NFATC1: variants seen among roughly 807,000 people sequenced by gnomAD.
NFATC1 encodes nuclear factor of activated T cells 1, also known as nuclear factor of activated T-cells, cytoplasmic 1.
Under a neutral mutation model 76.0 loss-of-function variants are expected in NFATC1, and 22 were observed. The observed-to-expected ratio is 0.29, with a 90% CI of 0.21 to 0.41. The LOEUF is 0.41. Among genes scored for constraint, NFATC1 ranks in the 10% least tolerant of loss-of-function variants. The pLI is 1.00. For synonymous variants in NFATC1, 704 were observed against 613.1 expected (o/e 1.15, Z -2.19); for missense variants, 1,357 against 1,337.7 (o/e 1.01, Z -0.23).
intron 8 of NFATC1, among the ~76,000 whole-genome samples, chr18:79,485,453 C>T (rs2145056976): frequency 6.6e-6 from 1 of 152,372 alleles, no homozygotes; most frequent in South Asian, 2.1e-4. Context: ...ACTGCACACC[C>T]TGCCTGTTTG....
intron 7 of NFATC1, among the ~76,000 whole-genome samples, chr18:79,464,642 A>ATGTATTTC (rs2088339882): frequency 8.0e-6 from 1 of 124,780 alleles, no homozygotes; most frequent in Non-Finnish European, 1.6e-5. Flanking sequence ...TTGTGGATAT[A>ATGTATTTC]TGTGTTTGTG....
At chr18:79,461,469 G>A (rs551738858) in intron 7 of NFATC1, 103 bp downstream of exon 7, 6 of 1,078,882 alleles carry the variant, frequency 5.6e-6, no homozygotes, top group African/African-American at 5.0e-5. Flanking sequence ...GGAGGCTGGG[G>A]TTCCTGTTTC....
At chr18:79,407,746 C>T (rs966242119) in intron 1 of NFATC1, among the ~76,000 whole-genome samples, 16 of 152,240 alleles carry the variant, frequency 1.1e-4, no homozygotes, top group African/African-American at 3.6e-4. Context: ...CGCCTGGCCA[C>T]CTCCTTGATT....
rs2090722066 is a variant in NFATC1 at position 79,525,028 on chromosome 18, G to GTCCCACCGTCGTTACCCCTCAGT, written c.2783-2500_2783-2499insTCCCACCGTCGTTACCCCTCAGT. On this transcript the variant is annotated intron_variant, in intron 9 of 9. Transcript: ENST00000427363. ...ACATCCCATCATTACTACCCCTCAG[G>GTCCCACCGTCGTTACCCCTCAGT]CCTCCCCACGTCCCACCGTCGTTAC... Among the ~76,000 whole-genome samples, 3 of 87,630 alleles carry GTCCCACCGTCGTTACCCCTCAGT rather than the reference G, an allele frequency of 3.4e-5. 1 individual carries two copies. The highest frequency in any genetic ancestry group is 1.4e-4 in the African/African-American group (3 of 21,834). 57.5% of individuals were successfully genotyped at this position (87,630 alleles called of 152,430 possible).
intron 9 of NFATC1, among the ~76,000 whole-genome samples, chr18:79,512,556 C>T (rs1158944746): frequency 6.6e-6 from 1 of 152,226 alleles, no homozygotes; most frequent in African/African-American, 2.4e-5. Context: ...TGTGGACTCA[C>T]ACATGTGGCA....
At chr18:79,477,141 C>T (rs776387739) in intron 8 of NFATC1, among the ~76,000 whole-genome samples, 34 of 152,188 alleles carry the variant, frequency 2.2e-4, no homozygotes, top group Admixed American at 2.0e-3. Flanking sequence ...CAGCTTCATC[C>T]GCTGTTTTCT....
chr18:79,486,753 A>G lies in NFATC1; in HGVS notation c.2598A>G (p.Pro866=), dbSNP rs1297502882. The change falls in exon 9 of 10, where the codon CCA becomes CCG. Residue 866 remains proline, a synonymous_variant. Coordinates refer to ENST00000427363, the MANE Select transcript of NFATC1 (RefSeq NM_001278669.2). ...CGACCTGCCTGCAGCCCTGCAGCCC[A>G]GCGTGCCCGCCCGCCACGGGCCGCC... The part of the protein sequence containing the change: ...QEPTCLQPCS[P]ACPPATGRPQ... 1 of 1,603,550 alleles carries G rather than the reference A, an allele frequency of 6.2e-7. No individual in the cohort carries two copies. The highest frequency in any genetic ancestry group is 1.7e-5 in the Admixed American group (1 of 59,534).
chr18:79,470,167 G>A (rs549492905), intron 8 of NFATC1: 7 of 209,494 alleles, frequency 3.3e-5, no homozygotes, highest in Admixed American at 1.3e-4. Context: ...CTTCTGCCAT[G>A]TGGTCCGAGA....
chr18:79,418,243 T>C (rs1183239871), intron 2 of NFATC1, among the ~76,000 whole-genome samples: 16 of 152,178 alleles, frequency 1.1e-4, no homozygotes, highest in Non-Finnish European at 2.1e-4. Flanking sequence ...TGCGACGCTC[T>C]GTGGTAGGGA....
At position 79,524,232 on chromosome 18, in the gene NFATC1, C is replaced by G. The variant is rs958604981; in HGVS notation, c.2783-3296C>G. On this transcript the variant is annotated intron_variant, in intron 9 of 9. Coordinates refer to ENST00000427363, the MANE Select transcript of NFATC1 (RefSeq NM_001278669.2). This position sits in a 1 kb window ranked among gnomAD's most constrained non-coding sequence, Gnocchi z 7.2. Reference sequence around the variant, plus strand: ...CGAGCCACATGGCCTCAGACCAACCCCAGGATGGGCCCGTTGTCCACCTGT... The same window carrying G: ...CGAGCCACATGGCCTCAGACCAACCGCAGGATGGGCCCGTTGTCCACCTGT... Among the ~76,000 whole-genome samples the G allele has an allele frequency of 6.6e-6, 1 of 152,192 alleles. No homozygotes were observed. The highest frequency in any genetic ancestry group is 1.5e-5 in the Non-Finnish European group (1 of 68,034).
intron 8 of NFATC1, among the ~76,000 whole-genome samples, chr18:79,480,708 G>A (rs576083019): frequency 1.3e-5 from 2 of 152,200 alleles, no homozygotes; most frequent in Non-Finnish European, 2.9e-5. Context: ...AGCGGCTCTC[G>A]GGCATAGCCG....
At chr18:79,404,456 G>A (rs1041756670) in intron 1 of NFATC1, among the ~76,000 whole-genome samples, 34 of 152,210 alleles carry the variant, frequency 2.2e-4, no homozygotes, top group Middle Eastern at 3.4e-3. Flanking sequence ...GCTTCCAACA[G>A]CAAGGTCTTG....
intron 3 of NFATC1, among the ~76,000 whole-genome samples, chr18:79,443,600 C>T (rs1384197707): frequency 6.6e-6 from 1 of 152,232 alleles, no homozygotes; most frequent in Non-Finnish European, 1.5e-5. Context: ...TAACCTCCGC[C>T]GTTCAGGCCT....
chr18:79,462,875 C>G (rs1568992068), intron 7 of NFATC1, among the ~76,000 whole-genome samples: 2 of 146,388 alleles, frequency 1.4e-5, no homozygotes, highest in African/African-American at 5.5e-5. Context: ...GAAGCTGGTC[C>G]CTTCAGAAAC....
chr18:79,514,786 C>T (rs1368497316), intron 9 of NFATC1, among the ~76,000 whole-genome samples: 3 of 152,012 alleles, frequency 2.0e-5, no homozygotes, highest in African/African-American at 7.3e-5. Context: ...TGGCTCACAC[C>T]TATAATCCTA....
chr18:79,455,047 G>C (rs114865762), intron 6 of NFATC1, among the ~76,000 whole-genome samples: 2,027 of 152,324 alleles, frequency 0.013, 50 homozygotes, highest in African/African-American at 0.046. Flanking sequence ...CGTGAGCTCG[G>C]GCTGTGTCTA....
At chr18:79,407,176 T>C (rs989164030) in intron 1 of NFATC1, among the ~76,000 whole-genome samples, 4 of 152,316 alleles carry the variant, frequency 2.6e-5, no homozygotes, top group Admixed American at 2.0e-4. Flanking sequence ...TTTTAGAAAG[T>C]TGGTCACAGA....
intron 9 of NFATC1, among the ~76,000 whole-genome samples, chr18:79,526,076 G>GCCGT (rs2090754041): frequency 6.6e-6 from 1 of 152,244 alleles, no homozygotes; most frequent in Non-Finnish European, 1.5e-5. Flanking sequence ...ACAGAACAGA[G>GCCGT]CCGTCTTTCT....
At chr18:79,523,601 G>A (rs2090672016) in intron 9 of NFATC1, among the ~76,000 whole-genome samples, 1 of 152,162 alleles carries the variant, frequency 6.6e-6, no homozygotes, top group African/African-American at 2.4e-5. Context: ...CCTTGTACTT[G>A]GTAGTTTTTA....
Sources: allele counts gnomAD v4.1 joint callset (sites outside exome capture counted in the v4.1 genomes callset), GRCh38; gene constraint gnomAD v4.1.1; non-coding constraint Gnocchi (gnomAD v3.1); transcripts MANE v1.5; gene names NCBI Gene and HGNC (gene_info 2026-07-23, HGNC 2026-07-21).